IGF1R: variants seen among roughly 807,000 people sequenced by gnomAD.
IGF1R encodes insulin like growth factor 1 receptor, also known as insulin-like growth factor 1 receptor.
In IGF1R, 44 loss-of-function variants were observed where a neutral mutation model predicts 144.6. That is an observed-to-expected ratio of 0.30 (90% confidence interval 0.24 to 0.39). IGF1R has a LOEUF of 0.39. IGF1R is among the 10% of genes least tolerant of loss of function. The pLI is 1.00. For missense variants in IGF1R, 1,355 were observed against 1,833.7 expected, an observed-to-expected ratio of 0.74 and a Z score of 4.77; for synonymous variants, 795 against 722.8, an observed-to-expected ratio of 1.10 and a Z score of -1.60.
chr15:98,788,415 T>C (rs1328331621), intron 2 of IGF1R, among the ~76,000 whole-genome samples: 1 of 152,226 alleles, frequency 6.6e-6, no homozygotes, highest in Non-Finnish European at 1.5e-5. Context: ...AGAACTGTCC[T>C]GTTGTCTGCT....
intron 2 of IGF1R, among the ~76,000 whole-genome samples, chr15:98,730,721 G>A (rs1015096599): frequency 2.0e-5 from 3 of 152,062 alleles, no homozygotes; most frequent in South Asian, 4.1e-4. Context: ...TTAAATATTC[G>A]AGATCTGTAT....
chr15:98,925,591 A>T (rs993852707), intron 13 of IGF1R, among the ~76,000 whole-genome samples: 1 of 152,190 alleles, frequency 6.6e-6, no homozygotes, highest in African/African-American at 2.4e-5. Context: ...TCTGCTACTC[A>T]CATCTGGAGT....
At chr15:98,930,406 T>G in intron 15 of IGF1R, 101 bp downstream of exon 15, 1 of 758,512 alleles carries the variant, frequency 1.3e-6, no homozygotes, top group East Asian at 2.7e-5. Context: ...TTTGCATTAT[T>G]TTGAGCTACC....
At chr15:98,929,530 T>G in intron 13 of IGF1R, 28 bp from the exon 14 acceptor site, 1 of 1,555,410 alleles carries the variant, frequency 6.4e-7, no homozygotes, top group South Asian at 1.1e-5. Flanking sequence ...CCTGGTGATA[T>G]TTTATCATTT....
intron 20 of IGF1R, among the ~76,000 whole-genome samples, chr15:98,954,909 G>C (rs1246086134): frequency 6.6e-6 from 1 of 152,204 alleles, no homozygotes; most frequent in African/African-American, 2.4e-5. Flanking sequence ...TCCTTGGACA[G>C]TTAGGTGAGG....
At chr15:98,846,229 A>T (rs1239941377) in intron 2 of IGF1R, among the ~76,000 whole-genome samples, 4 of 152,172 alleles carry the variant, frequency 2.6e-5, no homozygotes, top group Non-Finnish European at 5.9e-5. Flanking sequence ...ACTCCTACAT[A>T]AGCTGACAAT....
intron 2 of IGF1R, among the ~76,000 whole-genome samples, chr15:98,760,481 C>T (rs1433973287): frequency 6.6e-6 from 1 of 152,178 alleles, no homozygotes; most frequent in African/African-American, 2.4e-5. Flanking sequence ...TGAAGTGTTA[C>T]AGATTTTTAT....
At chr15:98,679,891 A>G (rs1716177067) in intron 1 of IGF1R, among the ~76,000 whole-genome samples, 1 of 152,136 alleles carries the variant, frequency 6.6e-6, no homozygotes, top group African/African-American at 2.4e-5. Context: ...GACCCTTTGT[A>G]GGTCTAGGCT....
intron 19 of IGF1R, 23 bp downstream of exon 19, chr15:98,943,075 G>T: frequency 6.2e-7 from 1 of 1,613,856 alleles, no homozygotes; most frequent in Non-Finnish European, 8.5e-7. Flanking sequence ...TTACTGCATT[G>T]CCAGCCTGGA....
intron 2 of IGF1R, among the ~76,000 whole-genome samples, chr15:98,738,469 G>A (rs940017799): frequency 1.3e-5 from 2 of 152,164 alleles, no homozygotes; most frequent in African/African-American, 2.4e-5. Flanking sequence ...CCAGGAGTTC[G>A]AGGCTAAAGT....
intron 2 of IGF1R, among the ~76,000 whole-genome samples, chr15:98,774,961 G>T (rs1567122660): frequency 1.3e-5 from 2 of 152,178 alleles, no homozygotes; most frequent in Non-Finnish European, 2.9e-5. Flanking sequence ...TAGTTACGTA[G>T]CTCAGGAACC....
At chr15:98,653,092 CTG>C (rs760352560) in intron 1 of IGF1R, among the ~76,000 whole-genome samples, 1 of 151,990 alleles carries the variant, frequency 6.6e-6, no homozygotes, top group African/African-American at 2.4e-5. Flanking sequence ...ATACAACAAA[CTG>C]ATAATTGAAG....
At chr15:98,726,681 T>G (rs1567096792) in intron 2 of IGF1R, among the ~76,000 whole-genome samples, 2 of 150,968 alleles carry the variant, frequency 1.3e-5, no homozygotes, top group Admixed American at 6.6e-5. Context: ...TAAATTCCCC[T>G]CCTTAGGCAG....
At chr15:98,720,888 G>A (rs775938255) in intron 2 of IGF1R, among the ~76,000 whole-genome samples, 11 of 152,174 alleles carry the variant, frequency 7.2e-5, no homozygotes, top group African/African-American at 2.7e-4. Flanking sequence ...TGAGCAGCCC[G>A]ATAGCCAAGC....
intron 2 of IGF1R, among the ~76,000 whole-genome samples, chr15:98,831,992 G>C (rs192104818): frequency 6.6e-6 from 1 of 152,200 alleles, no homozygotes; most frequent in African/African-American, 2.4e-5. Context: ...GATGAGGAAG[G>C]GGGGTCAGGG....
At chr15:98,934,756 T>C in intron 15 of IGF1R, 68 bp from the exon 16 acceptor site, 2 of 1,337,620 alleles carry the variant, frequency 1.5e-6, no homozygotes, top group Admixed American at 3.5e-5. Flanking sequence ...TGGCTTAGAG[T>C]TCCCCCAAAG....
intron 1 of IGF1R, among the ~76,000 whole-genome samples, chr15:98,667,759 T>G (rs567705265): frequency 2.0e-4 from 31 of 152,308 alleles, no homozygotes; most frequent in African/African-American, 7.5e-4. Flanking sequence ...GGAAGCCTGC[T>G]GCGGGCAACT....
intron 18 of IGF1R, among the ~76,000 whole-genome samples, chr15:98,942,630 G>C (rs2016408385): frequency 6.6e-6 from 1 of 152,156 alleles, no homozygotes; most frequent in South Asian, 2.1e-4. Context: ...TTGAGTCACT[G>C]CGCTCAGCCT....
rs556227279 is a variant in IGF1R, at chr15:98,792,038, G to T, written c.640+83931G>T. Among the ~76,000 whole-genome samples, 3 of 152,298 alleles carry T rather than the reference G, an allele frequency of 2.0e-5. No individual in the cohort carries two copies. In the East Asian group the frequency reaches 5.8e-4, roughly 29 times the overall value. ...TTCTCCCTGTTTGTGGGGCCCAGCAGCTAGTTAAGAGAAAAATCTTTTTTC... is the reference window on the plus strand; with the variant it reads ...TTCTCCCTGTTTGTGGGGCCCAGCATCTAGTTAAGAGAAAAATCTTTTTTC... On this transcript the variant is annotated intron_variant, in intron 2 of 20. Coordinates refer to ENST00000650285, the MANE Select transcript of IGF1R (RefSeq NM_000875.5).
Sources: allele counts gnomAD v4.1 joint callset (sites outside exome capture counted in the v4.1 genomes callset), GRCh38; gene constraint gnomAD v4.1.1; transcripts MANE v1.5; gene names NCBI Gene and HGNC (gene_info 2026-07-23, HGNC 2026-07-21).